The following CLIC5 variants were observed in gnomAD, a reference collection of about 807,000 sequenced individuals.
CLIC5 encodes the protein chloride intracellular channel protein 5.
A neutral mutation model predicts 24.7 loss-of-function variants in CLIC5; 20 were observed. That is an observed-to-expected ratio of 0.81 (90% CI 0.57 to 1.18). The LOEUF is 1.18. Ranked by LOEUF, CLIC5 falls within the 50% of genes most tolerant of loss-of-function variation. The probability of loss-of-function intolerance (pLI) is 0.00; values close to 1 mark genes in which losing one functional copy is unlikely to be tolerated. For synonymous variants in CLIC5, 159 were observed against 135.6 expected, an observed-to-expected ratio of 1.17 and a Z score of -1.20; for missense variants, 341 against 326.1, an observed-to-expected ratio of 1.05 and a Z score of -0.35.
chr6:45,966,801 C>T (rs1765029346), intron 1 of CLIC5, among the ~76,000 whole-genome samples: 2 of 152,224 alleles, frequency 1.3e-5, no homozygotes, highest in African/African-American at 4.8e-5. Flanking sequence ...TTGTTCAGGG[C>T]ATGGAGAGCC....
intron 1 of CLIC5, among the ~76,000 whole-genome samples, chr6:46,072,977 T>C (rs1762657151): frequency 6.6e-6 from 1 of 152,124 alleles, no homozygotes; most frequent in Non-Finnish European, 1.5e-5. Context: ...AATGCCGATA[T>C]AAAGAAAAAT....
chr6:45,982,504 C>G (rs1321293160), intron 1 of CLIC5, among the ~76,000 whole-genome samples: 1 of 152,094 alleles, frequency 6.6e-6, no homozygotes, highest in Non-Finnish European at 1.5e-5. Context: ...TACTACACAC[C>G]TAGGTTATAT....
chr6:46,124,421 C>A, the CLIC5 span, among the ~76,000 whole-genome samples: 3 of 152,222 alleles, frequency 2.0e-5, no homozygotes, highest in Non-Finnish European at 1.5e-5. Flanking sequence ...ACACCCTACA[C>A]AAAAATTAAT....
chr6:46,121,199 C>A, the CLIC5 span, among the ~76,000 whole-genome samples: 1 of 152,150 alleles, frequency 6.6e-6, no homozygotes, highest in Non-Finnish European at 1.5e-5. Context: ...GGGTTACTCA[C>A]AAAGGGAAGC....
the CLIC5 span, among the ~76,000 whole-genome samples, chr6:46,104,733 G>A: frequency 2.6e-5 from 4 of 151,332 alleles, 1 homozygote; most frequent in Admixed American, 2.6e-4. Flanking sequence ...GTACCTGTAG[G>A]AAGACCAAAT....
intron 1 of CLIC5, chr6:46,014,368 T>C (rs528117990): frequency 2.6e-5 from 4 of 152,282 alleles, no homozygotes; most frequent in East Asian, 1.9e-4. Context: ...TTGGGCAAAA[T>C]AACATTTTCC....
intron 1 of CLIC5, among the ~76,000 whole-genome samples, chr6:45,967,594 G>C (rs1193570983): frequency 6.6e-6 from 1 of 152,150 alleles, no homozygotes; most frequent in South Asian, 2.1e-4. Context: ...GTATTAGGCT[G>C]TTTTTGTGTT....
intron 1 of CLIC5, among the ~76,000 whole-genome samples, chr6:45,970,899 T>C (rs2127403765): frequency 6.6e-6 from 1 of 152,330 alleles, no homozygotes; most frequent in African/African-American, 2.4e-5. Context: ...TATGCTCACT[T>C]GTTCATTGGG....
chr6:45,910,238 A>G (rs1398646638), intron 5 of CLIC5, among the ~76,000 whole-genome samples: 1 of 152,178 alleles, frequency 6.6e-6, no homozygotes, highest in Non-Finnish European at 1.5e-5. Flanking sequence ...AGGAATGATA[A>G]TAACAAACAT....
intron 4 of CLIC5, chr6:45,937,538 C>T (rs1763982531): frequency 6.6e-6 from 1 of 152,194 alleles, no homozygotes; most frequent in South Asian, 2.1e-4. Flanking sequence ...CCGGGAATTG[C>T]ACATGTACTT....
chr6:46,068,702 C>G (rs1762508530), intron 1 of CLIC5, among the ~76,000 whole-genome samples: 1 of 151,988 alleles, frequency 6.6e-6, no homozygotes, highest in African/African-American at 2.4e-5. Context: ...GAGCCCTAAT[C>G]CAAAATGACT....
intron 3 of CLIC5, among the ~76,000 whole-genome samples, chr6:45,942,600 G>A (rs1270363082): frequency 6.6e-6 from 1 of 152,226 alleles, no homozygotes; most frequent in African/African-American, 2.4e-5. Flanking sequence ...AATCGTTTTT[G>A]ACTGTGGGCT....
the CLIC5 span, among the ~76,000 whole-genome samples, chr6:46,108,032 C>CAAAAAAAAA: frequency 0.038 from 1,261 of 33,180 alleles, 110 homozygotes; most frequent in Middle Eastern, 0.059. Flanking sequence ...AAAACTCCAT[C>CAAAAAAAAA]AAAAAAAAAA....
intron 1 of CLIC5, among the ~76,000 whole-genome samples, chr6:45,964,058 A>G (rs1475628214): frequency 3.3e-5 from 5 of 152,184 alleles, no homozygotes; most frequent in African/African-American, 9.6e-5. Flanking sequence ...GGAAGGAAGA[A>G]TGGTTCTCAT....
At chr6:45,908,737 T>A (rs944915577) in intron 5 of CLIC5, among the ~76,000 whole-genome samples, 2 of 152,206 alleles carry the variant, frequency 1.3e-5, no homozygotes, top group African/African-American at 4.8e-5. Context: ...ATGAAAGGAA[T>A]GTATATTCTA....
chr6:46,053,071 GCA>G (rs995169685), intron 1 of CLIC5, among the ~76,000 whole-genome samples: 2 of 152,126 alleles, frequency 1.3e-5, no homozygotes, highest in Admixed American at 6.6e-5. Flanking sequence ...AAATCATTGA[GCA>G]AAAAAGCAAA....
At chr6:45,932,025 G>A (rs1763757111) in intron 4 of CLIC5, among the ~76,000 whole-genome samples, 1 of 152,172 alleles carries the variant, frequency 6.6e-6, no homozygotes, top group South Asian at 2.1e-4. Flanking sequence ...TGCCTCCAAA[G>A]ATCCAGCCTC....
At chr6:46,038,357 TG>T (rs1767720035) in intron 1 of CLIC5, among the ~76,000 whole-genome samples, 2 of 152,182 alleles carry the variant, frequency 1.3e-5, no homozygotes, top group South Asian at 4.1e-4. Context: ...CCCACCCAGG[TG>T]GGTCCTCATG....
At chr6:46,014,325 C>G (rs1234532117) in intron 1 of CLIC5, 1 of 152,038 alleles carries the variant, frequency 6.6e-6, no homozygotes, top group Non-Finnish European at 1.5e-5. Context: ...TTTTTGCAAA[C>G]ATCTATTTAA....
Sources: gnomAD v4.1 joint callset for allele counts (sites outside exome capture counted in the v4.1 genomes callset) on GRCh38, gnomAD v4.1.1 for gene constraint, MANE v1.5 for transcripts, NCBI Gene and HGNC (gene_info 2026-07-23, HGNC 2026-07-21) for gene names.